The following NTRK2 variants were observed in gnomAD, a reference collection of about 807,000 sequenced individuals.
NTRK2 encodes the protein BDNF/NT-3 growth factors receptor.
NTRK2 carries 13 observed loss-of-function variants against 94.5 expected under a neutral mutation model. That is an observed-to-expected ratio of 0.14 (90% CI 0.09 to 0.22). The LOEUF (loss-of-function observed/expected upper bound fraction) is 0.22, where lower values mean the gene tolerates loss of function less well. Among genes scored for constraint, NTRK2 ranks in the 10% least tolerant of loss-of-function variants. The probability of loss-of-function intolerance (pLI) is 1.00; values close to 1 mark genes in which losing one functional copy is unlikely to be tolerated. For synonymous variants in NTRK2, 372 were observed against 407.4 expected, an observed-to-expected ratio of 0.91 and a Z score of 1.05; for missense variants, 639 against 1,071.2, an observed-to-expected ratio of 0.60 and a Z score of 5.63.
chr9:84,709,505 A>C (rs1424715427), intron 5 of NTRK2, among the ~76,000 whole-genome samples: 1 of 152,176 alleles, frequency 6.6e-6, no homozygotes, highest in African/African-American at 2.4e-5. Context: ...GCGATCAAGC[A>C]GACACAAATT....
intron 15 of NTRK2, among the ~76,000 whole-genome samples, chr9:84,939,200 C>G (rs761610512): frequency 6.6e-6 from 1 of 151,262 alleles, no homozygotes; most frequent in Non-Finnish European, 1.5e-5. Context: ...TATAGAATAA[C>G]GTAATCTAAC....
chr9:84,845,250 T>TATACACACACACAC (rs374265197), intron 12 of NTRK2, among the ~76,000 whole-genome samples: 22 of 148,006 alleles, frequency 1.5e-4, no homozygotes, highest in African/African-American at 5.3e-4. Context: ...ATGTGGTGTA[T>TATACACACACACAC]ACACACACAC....
intron 12 of NTRK2, among the ~76,000 whole-genome samples, chr9:84,820,877 A>C (rs1398328522): frequency 6.6e-6 from 1 of 152,212 alleles, no homozygotes; most frequent in Non-Finnish European, 1.5e-5. Flanking sequence ...TGGCTTAAAA[A>C]GTTAAATGAC....
chr9:84,690,104 G>A (rs956871247), intron 2 of NTRK2, among the ~76,000 whole-genome samples: 5 of 152,136 alleles, frequency 3.3e-5, no homozygotes, highest in African/African-American at 1.2e-4. Context: ...AACATGAGAA[G>A]TGAAATGCTG....
At chr9:84,703,698 G>T (rs1026880986) in intron 4 of NTRK2, among the ~76,000 whole-genome samples, 8 of 152,054 alleles carry the variant, frequency 5.3e-5, no homozygotes, top group African/African-American at 1.4e-4. Flanking sequence ...TTTTATAGGT[G>T]GCATTAATGA....
Position 84,670,364 on chromosome 9 carries a change from T to TC in NTRK2, c.-372-13_-372-12insC. 5.3e-6 allele frequency: 2 copies of TC among 378,340 alleles called. No individual in the cohort carries two copies. Among genetic ancestry groups the TC allele is most frequent in the Non-Finnish European group, 4.9e-6 (1 of 205,416 alleles). The allele number at this position is 378,340 out of a possible 1,614,324, so 23.4% of individuals were successfully genotyped here. ...TCCTACGCTCAGTCTTACGCGTGTC[T>TC]GTTTGTCCTCAGCCTCGAGGTGCAT... is the stretch of plus-strand genomic sequence containing the variant. On this transcript the variant is annotated splice_polypyrimidine_tract_variant and intron_variant, in intron 1 of 18. Transcript: ENST00000277120.
In NTRK2 at chr9:84,773,515, T is replaced by C. The variant is rs561674502; in HGVS notation, c.1396+21430T>C. 3.3e-5 allele frequency among the ~76,000 whole-genome samples: 5 copies of C among 152,330 alleles called. No individual in the cohort carries two copies. In the South Asian group the frequency reaches 8.3e-4, roughly 25 times the overall value. ...TTAGGAAATCTTAAATCTTACTGTT[T>C]TTCCATTGCTGATTTTAACGTTCTT... On this transcript the variant is annotated intron_variant, in intron 12 of 18. Transcript: ENST00000277120.
intron 12 of NTRK2, among the ~76,000 whole-genome samples, chr9:84,844,911 A>G (rs1163734856): frequency 6.6e-6 from 1 of 151,964 alleles, no homozygotes; most frequent in African/African-American, 2.4e-5. Flanking sequence ...AAAAAATACC[A>G]CCTTGCTCCT....
chr9:84,826,459 A>G (rs372773072), intron 12 of NTRK2, among the ~76,000 whole-genome samples: 4 of 152,144 alleles, frequency 2.6e-5, no homozygotes, highest in African/African-American at 7.2e-5. Context: ...CTTATTTCCA[A>G]GTAAGATCAC....
chr9:84,913,889 C>T lies in NTRK2; in HGVS notation c.1634-20273C>T, dbSNP rs118173709. On this transcript the variant is annotated intron_variant, in intron 14 of 18. Coordinates refer to ENST00000277120, the MANE Select transcript of NTRK2 (RefSeq NM_006180.6). ...TTATTATTATTATTATTATTTTTGC[C>T]ATATCTTCTTTTTTTCTTCTTTGAC... 5.1e-3 allele frequency among the ~76,000 whole-genome samples: 770 copies of T among 151,266 alleles called. 3 individuals are homozygous for T. Among genetic ancestry groups the T allele is most frequent in the Non-Finnish European group, 8.5e-3 (573 of 67,790 alleles).
At chr9:84,966,800 T>A (rs1050608235) in intron 17 of NTRK2, among the ~76,000 whole-genome samples, 2 of 152,208 alleles carry the variant, frequency 1.3e-5, no homozygotes, top group Non-Finnish European at 2.9e-5. Context: ...TAACACGGTC[T>A]CCTCTATGCT....
rs1250932360 is a variant in NTRK2 at position 84,825,300 on chromosome 9, C to T, written c.1397-35740C>T. On this transcript the variant is annotated intron_variant, in intron 12 of 18. Coordinates refer to ENST00000277120, the MANE Select transcript of NTRK2 (RefSeq NM_006180.6). ...TTCCACCCCCTGAGCCCCACATTATCTTCCCAAGATGCAGGCTTGAGCCTT... is the reference window on the plus strand; with the variant it reads ...TTCCACCCCCTGAGCCCCACATTATTTTCCCAAGATGCAGGCTTGAGCCTT... Among the ~76,000 whole-genome samples the T allele has an allele frequency of 4.6e-5, 7 of 152,156 alleles. No homozygotes were observed. In the East Asian group the frequency reaches 9.6e-4, roughly 21 times the overall value.
At chr9:85,005,219 T>C (rs1830825736) in intron 17 of NTRK2, among the ~76,000 whole-genome samples, 1 of 152,188 alleles carries the variant, frequency 6.6e-6, no homozygotes, top group African/African-American at 2.4e-5. Flanking sequence ...TGAACAAGAC[T>C]CAGAAAACAT....
rs1018142824 is a variant in NTRK2 at position 84,873,623 on chromosome 9, A to C, written c.1633+6192A>C. The C allele has an allele frequency of 3.8e-6, 4 of 1,053,656 alleles. No homozygotes were observed. The African/African-American group carries it at 6.6e-5, about 17-fold the overall frequency. 65.3% of individuals were successfully genotyped at this position (1,053,656 alleles called of 1,614,324 possible). The stretch of plus-strand genomic sequence containing the variant: ...CAACTTGAGTTTCTTAAAAGAAAGG[A>C]AATGAATACATGCTGCATAATTACA... On this transcript the variant is annotated intron_variant, in intron 14 of 18. Coordinates refer to ENST00000277120, the MANE Select transcript of NTRK2 (RefSeq NM_006180.6).
In NTRK2 at chr9:85,026,378, T is replaced by C. The variant is rs1215580319; in HGVS notation, c.*4941T>C. On this transcript the variant is annotated 3_prime_UTR_variant, in exon 19 of 19. Transcript: ENST00000277120. Reference sequence around the variant, plus strand: ...GAGGTTAGCTGAACGTTCAATGTACTGGAGCAAGCATCATAAAAGCTGCTA... The same window carrying C: ...GAGGTTAGCTGAACGTTCAATGTACCGGAGCAAGCATCATAAAAGCTGCTA... 4.3e-6 allele frequency: 1 copy of C among 231,828 alleles called. No individual in the cohort carries two copies. The highest frequency in any genetic ancestry group is 8.5e-6 in the Non-Finnish European group (1 of 117,270). The allele number at this position is 231,828 out of a possible 1,614,324, so 14.4% of individuals were successfully genotyped here. A position where few individuals can be genotyped will look rare whatever the true frequency, so the allele number is the denominator to read the frequency against.
At chr9:84,670,237 G>A in intron 1 of NTRK2, 140 bp from the exon 2 acceptor site, 1 of 242,886 alleles carries the variant, frequency 4.1e-6, no homozygotes, top group Non-Finnish European at 8.0e-6. Flanking sequence ...TTGATTCCTG[G>A]GCCGGAGCTG....
At chr9:84,859,048 C>T (rs900627518) in intron 12 of NTRK2, among the ~76,000 whole-genome samples, 10 of 152,108 alleles carry the variant, frequency 6.6e-5, no homozygotes, top group Admixed American at 1.3e-4. Context: ...AAGAAGTGCC[C>T]GGTGGGTAGG....
chr9:84,904,739 T>C (rs930671985), intron 14 of NTRK2, among the ~76,000 whole-genome samples: 1 of 152,168 alleles, frequency 6.6e-6, no homozygotes, highest in Non-Finnish European at 1.5e-5. Context: ...TTATAAATGG[T>C]GGTTAGAGTA....
At chr9:84,865,635 G>A (rs1564405112) in intron 13 of NTRK2, among the ~76,000 whole-genome samples, 1 of 152,192 alleles carries the variant, frequency 6.6e-6, no homozygotes, top group Non-Finnish European at 1.5e-5. Context: ...TTAGTAGGGG[G>A]GGTTGGAAGA....
Sources: allele counts gnomAD v4.1 joint callset (sites outside exome capture counted in the v4.1 genomes callset), GRCh38; gene constraint gnomAD v4.1.1; transcripts MANE v1.5; gene names NCBI Gene and HGNC (gene_info 2026-07-23, HGNC 2026-07-21).